Variants in MAF observed in about 807,000 individuals in gnomAD.
The protein encoded by MAF is MAF bZIP transcription factor.
MAF carries 10 observed loss-of-function variants against 22.0 expected under a neutral mutation model. That is an observed-to-expected ratio of 0.45 (90% confidence interval 0.28 to 0.77). The LOEUF (loss-of-function observed/expected upper bound fraction) is 0.77. MAF is among the 30% of genes least tolerant of loss of function. MAF has a pLI of 0.12. For missense variants in MAF, 544 were observed against 548.4 expected, an observed-to-expected ratio of 0.99 and a Z score of 0.08; for synonymous variants, 337 against 255.8, an observed-to-expected ratio of 1.32 and a Z score of -3.03.
At chr16:79,502,719 A>ATATATG in the MAF span, among the ~76,000 whole-genome samples, 1 of 22,410 alleles carries the variant, frequency 4.5e-5, no homozygotes, top group Non-Finnish European at 1.0e-4. Context: ...ATATATATAT[A>ATATATG]TATATATATA....
At chr16:79,394,649 G>C in the MAF span, among the ~76,000 whole-genome samples, 1 of 152,254 alleles carries the variant, frequency 6.6e-6, no homozygotes, top group East Asian at 1.9e-4. Context: ...TTGGGCAGGA[G>C]AACTCATAGA....
the MAF span, among the ~76,000 whole-genome samples, chr16:79,562,558 G>A: frequency 6.6e-6 from 1 of 152,152 alleles, no homozygotes; most frequent in Admixed American, 6.5e-5. Flanking sequence ...CACCCTGGCT[G>A]CCAACTAACA....
the MAF span, among the ~76,000 whole-genome samples, chr16:79,354,844 C>T: frequency 6.6e-6 from 1 of 151,978 alleles, no homozygotes; most frequent in Non-Finnish European, 1.5e-5. Flanking sequence ...TGAACACACA[C>T]ACAGAAAAAA....
chr16:79,508,890 G>A, the MAF span, among the ~76,000 whole-genome samples: 14 of 152,282 alleles, frequency 9.2e-5, no homozygotes, highest in South Asian at 2.7e-3. Flanking sequence ...CTCTTAATGG[G>A]TATGAGGCTT....
the MAF span, among the ~76,000 whole-genome samples, chr16:79,550,239 G>T: frequency 6.6e-6 from 1 of 151,430 alleles, no homozygotes; most frequent in South Asian, 2.1e-4. Flanking sequence ...TGAAAGAAAT[G>T]GTGTGTAAGG....
At chr16:79,351,853 G>A in the MAF span, among the ~76,000 whole-genome samples, 24 of 152,134 alleles carry the variant, frequency 1.6e-4, no homozygotes, top group Non-Finnish European at 4.4e-5. Flanking sequence ...GCTTCACCAT[G>A]GATGGGCTTC....
the MAF span, among the ~76,000 whole-genome samples, chr16:79,404,144 C>T: frequency 6.7e-6 from 1 of 149,886 alleles, no homozygotes; most frequent in Non-Finnish European, 1.5e-5. Context: ...CCTTAACATG[C>T]ATTTTACCGT....
the MAF span, among the ~76,000 whole-genome samples, chr16:79,370,862 T>C: frequency 6.6e-6 from 1 of 152,208 alleles, no homozygotes; most frequent in Non-Finnish European, 1.5e-5. Flanking sequence ...GTGGTTGTCT[T>C]TCTCCAGCAT....
the MAF span, among the ~76,000 whole-genome samples, chr16:79,332,212 A>G: frequency 1.3e-5 from 2 of 152,216 alleles, no homozygotes; most frequent in Non-Finnish European, 1.5e-5. Context: ...CTGACGTGCT[A>G]TCTATTCACT....
At chr16:79,548,473 G>T in the MAF span, among the ~76,000 whole-genome samples, 4 of 152,264 alleles carry the variant, frequency 2.6e-5, no homozygotes, top group East Asian at 7.7e-4. Flanking sequence ...GAAACACATT[G>T]GTTAGTTGGT....
At chr16:79,565,831 G>C in the MAF span, among the ~76,000 whole-genome samples, 2 of 152,182 alleles carry the variant, frequency 1.3e-5, no homozygotes, top group African/African-American at 4.8e-5. Context: ...TATACTGAGA[G>C]CACTATTCTG....
At chr16:79,356,679 C>G in the MAF span, among the ~76,000 whole-genome samples, 1 of 152,198 alleles carries the variant, frequency 6.6e-6, no homozygotes, top group Non-Finnish European at 1.5e-5. Context: ...CTTCCCCCCA[C>G]TTTCCACTGG....
At chr16:79,557,784 T>A in the MAF span, among the ~76,000 whole-genome samples, 1 of 152,040 alleles carries the variant, frequency 6.6e-6, no homozygotes. Flanking sequence ...CTGAGTGCTC[T>A]CTGATGGGCA....
At chr16:79,489,228 C>T in the MAF span, among the ~76,000 whole-genome samples, 1 of 152,070 alleles carries the variant, frequency 6.6e-6, no homozygotes, top group African/African-American at 2.4e-5. Context: ...CATCCATTTG[C>T]CCATCCATCT....
the MAF span, among the ~76,000 whole-genome samples, chr16:79,355,536 T>C: frequency 6.6e-6 from 1 of 152,186 alleles, no homozygotes; most frequent in African/African-American, 2.4e-5. Context: ...CATGAATGTA[T>C]TGCTCTGGCC....
At chr16:79,289,789 A>C in the MAF span, among the ~76,000 whole-genome samples, 2 of 151,738 alleles carry the variant, frequency 1.3e-5, no homozygotes, top group African/African-American at 2.4e-5. Context: ...TCAGAGTCCA[A>C]AGTTTGTTCT....
the MAF span, among the ~76,000 whole-genome samples, chr16:79,296,345 A>T: frequency 6.6e-6 from 1 of 152,132 alleles, no homozygotes; most frequent in South Asian, 2.1e-4. Flanking sequence ...CAGGGAGGGG[A>T]ACAACACACA....
the MAF span, among the ~76,000 whole-genome samples, chr16:79,488,853 T>TGAATTAACTAATTAAGAAGAACTGAAC: frequency 1.3e-5 from 2 of 152,082 alleles, no homozygotes; most frequent in Non-Finnish European, 2.9e-5. Flanking sequence ...AATTAAAAAG[T>TGAATTAACTAATTAAGAAGAACTGAAC]TAATTAAGAA....
At chr16:79,266,815 C>A in the MAF span, among the ~76,000 whole-genome samples, 1 of 152,190 alleles carries the variant, frequency 6.6e-6, no homozygotes, top group African/African-American at 2.4e-5. Context: ...CATGATCCTG[C>A]TGCCTGCCTT....
Sources: gnomAD v4.1 joint callset for allele counts (sites outside exome capture counted in the v4.1 genomes callset) on GRCh38, gnomAD v4.1.1 for gene constraint, MANE v1.5 for transcripts, NCBI Gene and HGNC (gene_info 2026-07-23, HGNC 2026-07-21) for gene names.